Variants in SGCZ observed in about 807,000 individuals in gnomAD.
The protein encoded by SGCZ is zeta-sarcoglycan.
SGCZ carries 40 observed loss-of-function variants against 41.3 expected under a neutral mutation model. The ratio of observed to expected loss-of-function variants is 0.97; its 90% confidence interval spans 0.75 to 1.26. The LOEUF (loss-of-function observed/expected upper bound fraction) is 1.26, where lower values mean the gene tolerates loss of function less well. SGCZ is among the 50% of genes most tolerant of loss of function. SGCZ has a pLI of 0.00. For synonymous variants in SGCZ, 206 were observed against 137.5 expected (o/e 1.50, Z -3.49); for missense variants, 552 against 369.8 (o/e 1.49, Z -4.04).
intron 1 of SGCZ, among the ~76,000 whole-genome samples, chr8:14,692,337 G>T (rs1397211265): frequency 6.6e-6 from 1 of 152,104 alleles, no homozygotes; most frequent in East Asian, 1.9e-4. Context: ...CATGAAAAGG[G>T]TGATTTACTA....
At chr8:15,134,208 T>C (rs777573081) in intron 1 of SGCZ, among the ~76,000 whole-genome samples, 1 of 152,048 alleles carries the variant, frequency 6.6e-6, no homozygotes, top group Non-Finnish European at 1.5e-5. Flanking sequence ...AAAATCATTA[T>C]CATACCAGCT....
intron 1 of SGCZ, among the ~76,000 whole-genome samples, chr8:14,594,177 A>AAAT (rs1805331551): frequency 1.5e-5 from 2 of 136,186 alleles, no homozygotes; most frequent in East Asian, 2.2e-4. Flanking sequence ...TCCATCTCAA[A>AAAT]AAATAAATAA....
chr8:15,107,540 C>CA (rs1313654166), intron 1 of SGCZ, among the ~76,000 whole-genome samples: 17 of 152,208 alleles, frequency 1.1e-4, no homozygotes, highest in African/African-American at 4.1e-4. Context: ...TCCCCTTCTA[C>CA]TTTTTACCAT....
Position 15,066,068 on chromosome 8 carries a change from G to A in SGCZ, c.39+171517C>T, listed in dbSNP as rs570659960. On this transcript the variant is annotated intron_variant, in intron 1 of 7. Coordinates refer to ENST00000382080, the MANE Select transcript of SGCZ (RefSeq NM_139167.4). Reference sequence around the variant, plus strand: ...TCACGCCTGTAATCCCAGCACTTTGGGAGGCCGAGGCGGGTGGATCATGAG... The same window carrying A: ...TCACGCCTGTAATCCCAGCACTTTGAGAGGCCGAGGCGGGTGGATCATGAG... Among the ~76,000 whole-genome samples, 914 of 152,090 alleles carry A rather than the reference G, an allele frequency of 6.0e-3. 5 individuals are homozygous for A. Among genetic ancestry groups the A allele is most frequent in the Non-Finnish European group, 8.3e-3 (562 of 67,988 alleles).
intron 5 of SGCZ, among the ~76,000 whole-genome samples, chr8:14,140,752 A>G (rs1236474792): frequency 1.3e-5 from 2 of 152,208 alleles, no homozygotes; most frequent in East Asian, 3.8e-4. Context: ...TGCCCAAGGT[A>G]ATTTATAGAT....
chr8:15,221,412 C>G (rs558426599), intron 1 of SGCZ, among the ~76,000 whole-genome samples: 1 of 152,128 alleles, frequency 6.6e-6, no homozygotes. Flanking sequence ...CATCTCTGAT[C>G]TGCCTCATTC....
At chr8:14,776,736 G>A (rs1185062459) in intron 1 of SGCZ, among the ~76,000 whole-genome samples, 2 of 151,728 alleles carry the variant, frequency 1.3e-5, no homozygotes, top group African/African-American at 4.8e-5. Flanking sequence ...CTTGTGACCC[G>A]CCCACCTGGG....
intron 2 of SGCZ, among the ~76,000 whole-genome samples, chr8:14,415,644 A>G (rs1018389799): frequency 3.9e-4 from 59 of 152,070 alleles, no homozygotes; most frequent in African/African-American, 1.3e-3. Flanking sequence ...TAACACTTTT[A>G]AATAACTCCT....
chr8:14,569,998 A>G (rs1408213720), intron 1 of SGCZ, among the ~76,000 whole-genome samples: 1 of 151,944 alleles, frequency 6.6e-6, no homozygotes, highest in Non-Finnish European at 1.5e-5. Flanking sequence ...ATACAAAATA[A>G]CATAGCAACC....
chr8:14,165,157 A>G (rs967213565), intron 4 of SGCZ: 6 of 153,720 alleles, frequency 3.9e-5, no homozygotes, highest in African/African-American at 1.4e-4. Context: ...GCATTATTCA[A>G]TTATGAATCT....
At chr8:15,216,551 A>G (rs1801410375) in intron 1 of SGCZ, among the ~76,000 whole-genome samples, 1 of 152,066 alleles carries the variant, frequency 6.6e-6, no homozygotes, top group Non-Finnish European at 1.5e-5. Flanking sequence ...GTTGGACGTA[A>G]CAAAGACCCT....
chr8:14,547,178 T>C (rs771716219), intron 2 of SGCZ, among the ~76,000 whole-genome samples: 1 of 152,206 alleles, frequency 6.6e-6, no homozygotes, highest in Non-Finnish European at 1.5e-5. Flanking sequence ...ACTCTGTTCA[T>C]TAAAGAAACT....
At position 14,102,411 on chromosome 8, in the gene SGCZ, T is replaced by C. The variant is rs375199911; in HGVS notation, c.709A>G (p.Arg237Gly). Residue 237 changes from arginine (R) to glycine (G), a missense_variant, in exon 7 of 8, where the codon AGG (arginine) becomes GGG (glycine). Transcript: ENST00000382080. ...AAAGDFKATC[R>G]KELHLQSTEG... ...GTAGATTGCAGATGGAGCTCCTTCC[T>C]GCAGGTGGCCTTGAAGTCTCCTGCA... 2.0e-6 allele frequency: 3 copies of C among 1,528,484 alleles called. No homozygotes were observed. The highest frequency in any genetic ancestry group is 1.8e-6 in the Non-Finnish European group (2 of 1,126,152). 94.7% of individuals were successfully genotyped at this position (1,528,484 alleles called of 1,614,324 possible). A position where few individuals can be genotyped will look rare whatever the true frequency, so the allele number is the denominator to read the frequency against.
rs192797240 is a variant in SGCZ, at chr8:14,765,884, G to C, written c.40-210958C>G. Among the ~76,000 whole-genome samples the C allele has an allele frequency of 1.3e-5, 2 of 151,684 alleles. 1 individual carries two copies. Among genetic ancestry groups the C allele is most frequent in the Non-Finnish European group, 2.9e-5 (2 of 67,954 alleles). ...CATTTAAATGAAGCATTCAATCTTGGAGGAGAGAGGTTGCCAGGCACATCA... is the reference window on the plus strand; with the variant it reads ...CATTTAAATGAAGCATTCAATCTTGCAGGAGAGAGGTTGCCAGGCACATCA... On this transcript the variant is annotated intron_variant, in intron 1 of 7. Transcript: ENST00000382080.
At chr8:14,873,309 G>A (rs1804233310) in intron 1 of SGCZ, among the ~76,000 whole-genome samples, 1 of 152,060 alleles carries the variant, frequency 6.6e-6, no homozygotes, top group Non-Finnish European at 1.5e-5. Flanking sequence ...GCATGTGTTG[G>A]TATGCCCAAT....
intron 1 of SGCZ, among the ~76,000 whole-genome samples, chr8:14,843,387 A>T (rs1483616811): frequency 6.6e-6 from 1 of 152,158 alleles, no homozygotes; most frequent in Non-Finnish European, 1.5e-5. Context: ...AAATCAACAC[A>T]GGCCAATTAG....
At chr8:14,228,692 C>G (rs1031590627) in intron 4 of SGCZ, among the ~76,000 whole-genome samples, 1 of 151,908 alleles carries the variant, frequency 6.6e-6, no homozygotes. Flanking sequence ...AGTGGGACAC[C>G]TTTACAATAT....
intron 1 of SGCZ, among the ~76,000 whole-genome samples, chr8:14,921,060 C>T (rs1799574417): frequency 6.6e-6 from 1 of 152,174 alleles, no homozygotes. Context: ...ACCCTTTTAT[C>T]TTCATGAGGG....
chr8:14,929,888 T>G (rs952445958), intron 1 of SGCZ, among the ~76,000 whole-genome samples: 1 of 152,040 alleles, frequency 6.6e-6, no homozygotes, highest in African/African-American at 2.4e-5. Flanking sequence ...TAATTGTTAT[T>G]TACCAAACAA....
Sources: allele counts gnomAD v4.1 joint callset (sites outside exome capture counted in the v4.1 genomes callset), GRCh38; gene constraint gnomAD v4.1.1; transcripts MANE v1.5; gene names NCBI Gene and HGNC (gene_info 2026-07-23, HGNC 2026-07-21).